The following RBFOX1 variants were observed in gnomAD, a reference collection of about 807,000 sequenced individuals.
RBFOX1 encodes the protein RNA binding protein fox-1 homolog 1.
RBFOX1 carries 8 observed loss-of-function variants against 57.7 expected under a neutral mutation model. The ratio of observed to expected loss-of-function variants is 0.14; its 90% CI spans 0.08 to 0.25. RBFOX1 has a LOEUF of 0.25. Among genes scored for constraint, RBFOX1 ranks in the 10% least tolerant of loss-of-function variants. The pLI, the probability that RBFOX1 is intolerant of heterozygous loss-of-function variation, is 1.00. For missense variants in RBFOX1, 611 were observed against 548.5 expected, an observed-to-expected ratio of 1.11 and a Z score of -1.14; for synonymous variants, 326 against 222.4, an observed-to-expected ratio of 1.47 and a Z score of -4.15.
At position 7,256,656 on chromosome 16, in the gene RBFOX1, C is replaced by T. The variant is rs1012026918; in HGVS notation, c.27+204558C>T. 2.6e-5 allele frequency among the ~76,000 whole-genome samples: 4 copies of T among 152,306 alleles called. No homozygotes were observed. In the South Asian group the frequency reaches 8.3e-4, roughly 32 times the overall value. On this transcript the variant is annotated intron_variant, in intron 4 of 15. Transcript: ENST00000550418. ...TCTAAAATTTCTTACCCTCTTGTAA[C>T]TAAGAATCCATTTCCACCCCTTTAG...
At chr16:6,609,507 C>G (rs1027177766) in intron 2 of RBFOX1, among the ~76,000 whole-genome samples, 3 of 152,038 alleles carry the variant, frequency 2.0e-5, no homozygotes, top group African/African-American at 7.2e-5. Flanking sequence ...CCACACTTGG[C>G]TAATTTTTGT....
At chr16:6,153,643 C>A (rs1328393138) in intron 1 of RBFOX1, among the ~76,000 whole-genome samples, 1 of 152,088 alleles carries the variant, frequency 6.6e-6, no homozygotes, top group Admixed American at 6.6e-5. Flanking sequence ...TCAAGTGATT[C>A]TCCTGTCTCA....
At chr16:5,431,848 C>T (rs748293777) in intron 1 of RBFOX1, among the ~76,000 whole-genome samples, 3 of 152,186 alleles carry the variant, frequency 2.0e-5, no homozygotes, top group Non-Finnish European at 4.4e-5. Flanking sequence ...CATCCAAAAT[C>T]GTCCCTACAA....
chr16:7,708,443 G>C (rs1218601907), intron 14 of RBFOX1, among the ~76,000 whole-genome samples: 1 of 152,098 alleles, frequency 6.6e-6, no homozygotes, highest in Admixed American at 6.5e-5. Flanking sequence ...ACCTGGCCAT[G>C]GATTAATGTG....
intron 13 of RBFOX1, chr16:7,671,683 G>GA: frequency 8.0e-7 from 1 of 1,249,380 alleles, no homozygotes; most frequent in African/African-American, 1.5e-5. Flanking sequence ...TAATTCTGGG[G>GA]AGGGGAACAG....
chr16:7,088,613 A>G (rs1313594526), intron 4 of RBFOX1, among the ~76,000 whole-genome samples: 1 of 152,126 alleles, frequency 6.6e-6, no homozygotes, highest in Non-Finnish European at 1.5e-5. Flanking sequence ...GAATTACAAT[A>G]TTTAACTCTT....
intron 3 of RBFOX1, among the ~76,000 whole-genome samples, chr16:6,911,094 G>C (rs756674842): frequency 6.6e-6 from 1 of 151,896 alleles, no homozygotes; most frequent in African/African-American, 2.4e-5. Context: ...CCAGCTACTC[G>C]GGAGGCTGAG....
chr16:6,800,776 AC>A (rs1208997607), intron 3 of RBFOX1, among the ~76,000 whole-genome samples: 1 of 152,204 alleles, frequency 6.6e-6, no homozygotes, highest in Non-Finnish European at 1.5e-5. Context: ...GCAGTAGATG[AC>A]AAAGTAGCTT....
At chr16:6,372,431 T>G (rs1391920773) in intron 2 of RBFOX1, among the ~76,000 whole-genome samples, 1 of 148,792 alleles carries the variant, frequency 6.7e-6, no homozygotes, top group African/African-American at 2.5e-5. Context: ...AGAGTATAGT[T>G]GGATGGAAGG....
chr16:7,456,789 C>G (rs1418812444), intron 4 of RBFOX1, among the ~76,000 whole-genome samples: 1 of 152,154 alleles, frequency 6.6e-6, no homozygotes, highest in Non-Finnish European at 1.5e-5. Flanking sequence ...AGGAGGCAGT[C>G]TACTCCAAGC....
At chr16:6,352,780 G>A (rs911860533) in intron 2 of RBFOX1, among the ~76,000 whole-genome samples, 1 of 152,174 alleles carries the variant, frequency 6.6e-6, no homozygotes, top group Non-Finnish European at 1.5e-5. Context: ...TTACTGCGAC[G>A]CTGCCTTGCC....
intron 14 of RBFOX1, among the ~76,000 whole-genome samples, chr16:7,680,417 T>A (rs1351340821): frequency 1.3e-5 from 2 of 152,154 alleles, no homozygotes; most frequent in Non-Finnish European, 2.9e-5. Flanking sequence ...CTAACACTCT[T>A]AACATTTCCT....
chr16:7,271,849 C>G (rs1279002826), intron 4 of RBFOX1, among the ~76,000 whole-genome samples: 1 of 152,050 alleles, frequency 6.6e-6, no homozygotes, highest in Non-Finnish European at 1.5e-5. Flanking sequence ...AAGCTATGGC[C>G]AAGGCAGAGG....
At chr16:5,860,416 T>C (rs2057183268) in intron 3 of RBFOX1, among the ~76,000 whole-genome samples, 1 of 152,100 alleles carries the variant, frequency 6.6e-6, no homozygotes, top group Admixed American at 6.5e-5. Context: ...AGGTTTTCTG[T>C]TTGTGCCTGT....
chr16:5,502,309 T>C (rs902303581), intron 2 of RBFOX1, among the ~76,000 whole-genome samples: 1 of 152,152 alleles, frequency 6.6e-6, no homozygotes, highest in Admixed American at 6.5e-5. Context: ...CGTCCCTGTG[T>C]GACTTCTGTG....
intron 14 of RBFOX1, among the ~76,000 whole-genome samples, chr16:7,696,844 A>C (rs763912502): frequency 2.0e-5 from 3 of 152,180 alleles, no homozygotes; most frequent in Non-Finnish European, 4.4e-5. Context: ...AGGGATCTAA[A>C]TATAAAGTGA....
chr16:5,992,888 G>A (rs759502358), intron 4 of RBFOX1, among the ~76,000 whole-genome samples: 46 of 152,166 alleles, frequency 3.0e-4, no homozygotes, highest in Non-Finnish European at 6.2e-4. Context: ...AGTGAGCCAA[G>A]ATCATGCCAT....
At chr16:5,885,593 C>T (rs1302867216) in intron 4 of RBFOX1, among the ~76,000 whole-genome samples, 2 of 152,140 alleles carry the variant, frequency 1.3e-5, no homozygotes, top group African/African-American at 4.8e-5. Flanking sequence ...GGCTAATGGT[C>T]TCTGAAGACC....
intron 1 of RBFOX1, among the ~76,000 whole-genome samples, chr16:6,303,337 T>C (rs1422101650): frequency 2.3e-5 from 2 of 85,914 alleles, no homozygotes; most frequent in Non-Finnish European, 6.1e-5. Flanking sequence ...TAAATAGATT[T>C]TTTTTTTTTT....
Sources: gnomAD v4.1 joint callset for allele counts (sites outside exome capture counted in the v4.1 genomes callset) on GRCh38, gnomAD v4.1.1 for gene constraint, MANE v1.5 for transcripts, NCBI Gene and HGNC (gene_info 2026-07-23, HGNC 2026-07-21) for gene names.